The following THADA variants were observed in gnomAD, a reference collection of about 807,000 sequenced individuals.
The protein encoded by THADA is tRNA (32-2'-O)-methyltransferase regulator THADA.
In THADA, 213 loss-of-function variants were observed where a neutral mutation model predicts 219.8. That is an observed-to-expected ratio of 0.97 (90% confidence interval 0.87 to 1.09). The LOEUF (loss-of-function observed/expected upper bound fraction) is 1.09. THADA is among the 50% of genes least tolerant of loss of function. The pLI, the probability that THADA is intolerant of heterozygous loss-of-function variation, is 0.00. For missense variants in THADA, 2,956 were observed against 2,311.3 expected, an observed-to-expected ratio of 1.28 and a Z score of -5.72; for synonymous variants, 1,018 against 828.9, an observed-to-expected ratio of 1.23 and a Z score of -3.92.
chr2:43,552,004 A>C (rs1266361928), intron 18 of THADA, 79 bp from the exon 19 acceptor site: 1 of 1,569,416 alleles, frequency 6.4e-7, no homozygotes, highest in African/African-American at 1.4e-5. Context: ...AAAAGGATTG[A>C]CTTTGTGTTT....
At chr2:43,250,529 ATTAATT>A (rs1446024301) in intron 36 of THADA, among the ~76,000 whole-genome samples, 4 of 152,136 alleles carry the variant, frequency 2.6e-5, no homozygotes, top group Non-Finnish European at 5.9e-5. Flanking sequence ...CTTTAAAATG[ATTAATT>A]TTATGTTTAT....
intron 26 of THADA, among the ~76,000 whole-genome samples, chr2:43,452,887 C>T (rs1223081513): frequency 6.6e-6 from 1 of 152,124 alleles, no homozygotes. Flanking sequence ...GAGACTCTTC[C>T]TAATATACTA....
intron 29 of THADA, among the ~76,000 whole-genome samples, chr2:43,353,729 C>T (rs1466551193): frequency 1.3e-5 from 2 of 152,112 alleles, no homozygotes; most frequent in African/African-American, 4.8e-5. Flanking sequence ...AATCTTGGCT[C>T]ACTGCAACCT....
chr2:43,580,491 CCTTTCCTTTT>C (rs890757837), intron 8 of THADA, among the ~76,000 whole-genome samples: 1 of 149,690 alleles, frequency 6.7e-6, no homozygotes, highest in African/African-American at 2.4e-5. Flanking sequence ...TAACTACTTT[CCTTTCCTTTT>C]AATACCTGAG....
chr2:43,595,229 G>C (rs1441675950), intron 1 of THADA, among the ~76,000 whole-genome samples: 1 of 152,194 alleles, frequency 6.6e-6, no homozygotes, highest in Non-Finnish European at 1.5e-5. Flanking sequence ...TACATCTTAA[G>C]AACCTATGGT....
At chr2:43,339,839 T>C (rs1174501244) in intron 30 of THADA, among the ~76,000 whole-genome samples, 1 of 152,054 alleles carries the variant, frequency 6.6e-6, no homozygotes, top group Non-Finnish European at 1.5e-5. Context: ...ATGTCTGTAA[T>C]CCCAGCTTAC....
intron 26 of THADA, among the ~76,000 whole-genome samples, chr2:43,438,860 A>C (rs1310615453): frequency 1.3e-5 from 2 of 152,098 alleles, no homozygotes; most frequent in Admixed American, 1.3e-4. Context: ...TAACAACAAT[A>C]ATAATAAACT....
intron 31 of THADA, among the ~76,000 whole-genome samples, chr2:43,303,066 G>A (rs1289561636): frequency 6.6e-6 from 1 of 152,186 alleles, no homozygotes; most frequent in African/African-American, 2.4e-5. Context: ...CAGCTTTGGA[G>A]AAGTTGATAA....
At chr2:43,309,208 A>G (rs1354099785) in intron 31 of THADA, among the ~76,000 whole-genome samples, 1 of 152,246 alleles carries the variant, frequency 6.6e-6, no homozygotes, top group Non-Finnish European at 1.5e-5. Context: ...ATGACACATG[A>G]AAAGATGCTC....
chr2:43,519,414 TA>T (rs1350844124), intron 22 of THADA, among the ~76,000 whole-genome samples: 1 of 152,072 alleles, frequency 6.6e-6, no homozygotes, highest in Non-Finnish European at 1.5e-5. Flanking sequence ...GAAAATAAAA[TA>T]AAAATGCTTT....
At chr2:43,438,944 G>A (rs1180836258) in intron 26 of THADA, among the ~76,000 whole-genome samples, 1 of 152,084 alleles carries the variant, frequency 6.6e-6, no homozygotes. Context: ...ACCTTATACT[G>A]TACTCATCCT....
chr2:43,555,208 T>A (rs1418739942), intron 17 of THADA, among the ~76,000 whole-genome samples: 1 of 151,326 alleles, frequency 6.6e-6, no homozygotes, highest in African/African-American at 2.4e-5. Context: ...CTGAATAATA[T>A]ATAATAATAT....
chr2:43,407,787 T>C (rs1675755465), intron 28 of THADA, among the ~76,000 whole-genome samples: 1 of 152,032 alleles, frequency 6.6e-6, no homozygotes, highest in Non-Finnish European at 1.5e-5. Flanking sequence ...AGTACTTAGA[T>C]AAACCCTTTA....
intron 28 of THADA, among the ~76,000 whole-genome samples, chr2:43,406,448 T>C (rs1184944012): frequency 6.6e-6 from 1 of 152,190 alleles, no homozygotes; most frequent in Non-Finnish European, 1.5e-5. Flanking sequence ...CATTTAAATG[T>C]TTCATCATTT....
intron 26 of THADA, among the ~76,000 whole-genome samples, chr2:43,456,306 C>G (rs1422827712): frequency 6.6e-6 from 1 of 152,166 alleles, no homozygotes; most frequent in Non-Finnish European, 1.5e-5. Context: ...CAGCCTACTT[C>G]CAATGGCAAT....
chr2:43,346,817 G>A (rs1200390653), intron 29 of THADA, among the ~76,000 whole-genome samples: 1 of 152,204 alleles, frequency 6.6e-6, no homozygotes, highest in East Asian at 1.9e-4. Context: ...GCCTGGTCAT[G>A]ATTTACAACC....
intron 26 of THADA, among the ~76,000 whole-genome samples, chr2:43,457,097 G>A (rs1683094357): frequency 6.8e-6 from 1 of 146,256 alleles, no homozygotes; most frequent in Non-Finnish European, 1.5e-5. Flanking sequence ...GGGATAGAAT[G>A]TTCCACATCG....
intron 14 of THADA, 75 bp from the exon 15 acceptor site, chr2:43,566,896 T>G (rs1698757965): frequency 3.0e-6 from 3 of 1,016,364 alleles, no homozygotes; most frequent in Non-Finnish European, 2.7e-6. Context: ...TAAACACCCT[T>G]TAAGAGTGGG....
chr2:43,571,434 T>C (rs147766226), intron 13 of THADA, among the ~76,000 whole-genome samples: 2 of 151,666 alleles, frequency 1.3e-5, no homozygotes, highest in African/African-American at 4.8e-5. Flanking sequence ...TGTATTTTAG[T>C]AGAGATGGGG....
Sources: allele counts gnomAD v4.1 joint callset (sites outside exome capture counted in the v4.1 genomes callset), GRCh38; gene constraint gnomAD v4.1.1; transcripts MANE v1.5; gene names NCBI Gene and HGNC (gene_info 2026-07-23, HGNC 2026-07-21).